COL23A1: variants seen among roughly 807,000 people sequenced by gnomAD.
COL23A1 encodes collagen type XXIII alpha 1 chain, also known as collagen alpha-1(XXIII) chain.
A neutral mutation model predicts 99.3 loss-of-function variants in COL23A1; 97 were observed. The observed-to-expected ratio is 0.98, with a 90% CI of 0.83 to 1.16. COL23A1 has a LOEUF of 1.16. Among genes scored for constraint, COL23A1 ranks in the 50% most tolerant of loss-of-function variants. The pLI is 0.00. For missense variants in COL23A1, 762 were observed against 757.4 expected (o/e 1.01, Z -0.07); for synonymous variants, 320 against 308.2 (o/e 1.04, Z -0.40).
intron 17 of COL23A1, among the ~76,000 whole-genome samples, chr5:178,251,907 T>TCC (rs759531567): frequency 5.9e-5 from 8 of 134,924 alleles, no homozygotes; most frequent in African/African-American, 2.2e-4. Flanking sequence ...TCATTTTCTT[T>TCC]TCTTTTTTTT....
Position 178,239,104 on chromosome 5 carries a change from C to T in COL23A1, c.1620+37G>A, listed in dbSNP as rs375858049. 1.3e-5 allele frequency: 21 copies of T among 1,611,708 alleles called. No homozygotes were observed. The African/African-American group carries it at 2.5e-4, about 19-fold the overall frequency. On this transcript the variant is annotated intron_variant, in intron 28 of 28. Coordinates refer to ENST00000390654, the MANE Select transcript of COL23A1 (RefSeq NM_173465.4). ...CCCATTCCCCCACCCTCCCCTGCCT[C>T]TCCCAAGCCTGCCCTGGAGACTTCC...
chr5:178,355,782 T>C (rs1761614394), intron 2 of COL23A1, among the ~76,000 whole-genome samples: 1 of 152,142 alleles, frequency 6.6e-6, no homozygotes, highest in Non-Finnish European at 1.5e-5. Context: ...GTTTGTATTT[T>C]TTTCTGAATT....
chr5:178,403,176 A>G lies in COL23A1; in HGVS notation c.362-96257T>C, dbSNP rs534322757. 1.8e-4 allele frequency among the ~76,000 whole-genome samples: 28 copies of G among 152,050 alleles called. 2 individuals are homozygous for G. The South Asian group carries it at 5.0e-3, about 27-fold the overall frequency. ...CCGAAATCTTCTACAAGTCAGACAC[A>G]TATCAAACTGTTACTGCACGCCAGA... is the stretch of plus-strand genomic sequence containing the variant. On this transcript the variant is annotated intron_variant, in intron 2 of 28. Coordinates refer to ENST00000390654, the MANE Select transcript of COL23A1 (RefSeq NM_173465.4).
intron 2 of COL23A1, among the ~76,000 whole-genome samples, chr5:178,529,837 C>T (rs6887596): frequency 2.0e-5 from 3 of 152,180 alleles, no homozygotes; most frequent in Admixed American, 6.5e-5. Context: ...CCAGTAGAAG[C>T]GTGTGGATGA....
In COL23A1 at chr5:178,242,323, C is replaced by T. The variant is rs781745197; in HGVS notation, c.1494+18G>A. On this transcript the variant is annotated intron_variant, in intron 26 of 28. Coordinates refer to ENST00000390654, the MANE Select transcript of COL23A1 (RefSeq NM_173465.4). ...TCCCCCTCTCCTCCTGCCCCAGCTC[C>T]CGTCCAGCTGCCCTCACCTTCTCTC... is the stretch of plus-strand genomic sequence containing the variant. The T allele has an allele frequency of 6.2e-7, 1 of 1,613,094 alleles. No homozygotes were observed. The highest frequency in any genetic ancestry group is 2.2e-5 in the East Asian group (1 of 44,814).
chr5:178,337,777 T>A (rs1201653278), intron 2 of COL23A1, among the ~76,000 whole-genome samples: 2 of 152,148 alleles, frequency 1.3e-5, no homozygotes, highest in Non-Finnish European at 2.9e-5. Flanking sequence ...CTGTCCACCA[T>A]TAGCGTCTGG....
In COL23A1 at chr5:178,281,285, T is replaced by G. The variant is rs572314476; in HGVS notation, c.441+7039A>C. On this transcript the variant is annotated intron_variant, in intron 5 of 28. Coordinates refer to ENST00000390654, the MANE Select transcript of COL23A1 (RefSeq NM_173465.4). The surrounding 1 kb of genome is among the most constrained non-coding windows in gnomAD (Gnocchi z 4.0). ...CAAAGCTGTTTTTGAACTACAAGAG[T>G]GCAAGAGAGCGTGTGAACGTGCGGT... Among the ~76,000 whole-genome samples the G allele has an allele frequency of 6.6e-6, 1 of 152,288 alleles. No homozygotes were observed. Among genetic ancestry groups the G allele is most frequent in the South Asian group, 2.1e-4 (1 of 4,824 alleles).
intron 2 of COL23A1, among the ~76,000 whole-genome samples, chr5:178,488,796 G>A (rs887667196): frequency 6.6e-6 from 1 of 152,262 alleles, no homozygotes; most frequent in Non-Finnish European, 1.5e-5. Context: ...CTGGAGCTCC[G>A]TGAGGGTAGC....
At chr5:178,584,200 G>C (rs983301051) in intron 1 of COL23A1, among the ~76,000 whole-genome samples, 10 of 151,948 alleles carry the variant, frequency 6.6e-5, no homozygotes, top group African/African-American at 2.4e-4. Flanking sequence ...AGTAGAGACA[G>C]GGTTTCGCCA....
At chr5:178,494,723 C>T (rs938191949) in intron 2 of COL23A1, among the ~76,000 whole-genome samples, 1 of 152,170 alleles carries the variant, frequency 6.6e-6, no homozygotes, top group African/African-American at 2.4e-5. Context: ...AACAAGAAGG[C>T]TCTGCTCCCC....
At chr5:178,551,583 C>A (rs908085136) in intron 2 of COL23A1, among the ~76,000 whole-genome samples, 7 of 152,186 alleles carry the variant, frequency 4.6e-5, no homozygotes, top group South Asian at 2.1e-4. Flanking sequence ...TGCCCACCCA[C>A]CCAGTTTGTG....
intron 2 of COL23A1, among the ~76,000 whole-genome samples, chr5:178,363,888 G>A (rs1265331298): frequency 6.6e-6 from 1 of 152,214 alleles, no homozygotes; most frequent in Admixed American, 6.5e-5. Context: ...CCATCTGGGT[G>A]TGGACACGTA....
intron 2 of COL23A1, among the ~76,000 whole-genome samples, chr5:178,466,997 T>C (rs948559670): frequency 3.9e-5 from 6 of 152,238 alleles, no homozygotes; most frequent in Non-Finnish European, 7.3e-5. Context: ...TGTTGATTTA[T>C]TTTGGAGAAT....
At position 178,268,729 on chromosome 5, in the gene COL23A1, CCTTTT is replaced by C. The variant is rs774530625; in HGVS notation, c.491_495del (p.Glu164GlyfsTer71). 1 of 1,603,806 alleles carries C rather than the reference CCTTTT, an allele frequency of 6.2e-7. No homozygotes were observed. The highest frequency in any genetic ancestry group is 1.3e-5 in the African/African-American group (1 of 74,960). On this transcript the variant is annotated frameshift_variant and splice_region_variant, in exon 7 of 29. Coordinates refer to ENST00000390654, the MANE Select transcript of COL23A1 (RefSeq NM_173465.4). LOFTEE classifies it high-confidence loss of function. The stretch of plus-strand genomic sequence containing the variant: ...TCTGCACAGCCTCTGGCATCACTTA[CCTTTT>C]CCCCTTTCGGGCCTGGAAGTCCCTG...
intron 2 of COL23A1, among the ~76,000 whole-genome samples, chr5:178,331,957 G>A (rs752852460): frequency 1.3e-5 from 2 of 152,190 alleles, no homozygotes; most frequent in Non-Finnish European, 2.9e-5. Context: ...GCTGCTGGAG[G>A]CCTGGCTGAC....
At chr5:178,517,073 T>C (rs1477976514) in intron 2 of COL23A1, among the ~76,000 whole-genome samples, 1 of 151,784 alleles carries the variant, frequency 6.6e-6, no homozygotes, top group Non-Finnish European at 1.5e-5. Flanking sequence ...ACCACATCCA[T>C]CCTCCCATCC....
chr5:178,547,550 CCCCCAT>C (rs1761674224), intron 2 of COL23A1, among the ~76,000 whole-genome samples: 1 of 108,204 alleles, frequency 9.2e-6, no homozygotes, highest in Non-Finnish European at 1.9e-5. Context: ...CACCCACACA[CCCCCAT>C]ACACACCCCC....
intron 4 of COL23A1, among the ~76,000 whole-genome samples, chr5:178,288,918 G>A (rs761854807): frequency 6.6e-6 from 1 of 152,172 alleles, no homozygotes; most frequent in Non-Finnish European, 1.5e-5. Flanking sequence ...CTTCCAGGTT[G>A]CAGCTTGAGA....
intron 8 of COL23A1, among the ~76,000 whole-genome samples, chr5:178,266,225 G>A (rs531730426): frequency 5.9e-4 from 90 of 152,124 alleles, no homozygotes; most frequent in African/African-American, 2.0e-3. Context: ...ATTTTTAGTA[G>A]AGATGGGGTT....
Sources: gnomAD v4.1 joint callset for allele counts (sites outside exome capture counted in the v4.1 genomes callset) on GRCh38, gnomAD v4.1.1 for gene constraint, Gnocchi (gnomAD v3.1) non-coding constraint, MANE v1.5 for transcripts, NCBI Gene and HGNC (gene_info 2026-07-23, HGNC 2026-07-21) for gene names.